Variants in NUDT14 observed in about 807,000 individuals in gnomAD.
The protein encoded by NUDT14 is uridine diphosphate glucose pyrophosphatase NUDT14.
NUDT14 carries 22 observed loss-of-function variants against 17.5 expected under a neutral mutation model. The ratio of observed to expected loss-of-function variants is 1.26; its 90% CI spans 0.90 to 1.80. The LOEUF is 1.80. Ranked by LOEUF, NUDT14 falls within the 40% of genes most tolerant of loss-of-function variation. The pLI is 0.00. For missense variants in NUDT14, 296 were observed against 295.6 expected, an observed-to-expected ratio of 1.00 and a Z score of -0.01; for synonymous variants, 129 against 125.8, an observed-to-expected ratio of 1.03 and a Z score of -0.17.
At chr14:105,179,529 C>T (rs892630512) in intron 1 of NUDT14, among the ~76,000 whole-genome samples, 1 of 152,270 alleles carries the variant, frequency 6.6e-6, no homozygotes, top group African/African-American at 2.4e-5. Flanking sequence ...GCAAGGGCTG[C>T]CCTGAGGCTT....
Position 105,176,976 on chromosome 14 carries a change from C to T in NUDT14, c.177G>A (p.Lys59=). The T allele has an allele frequency of 3.1e-6, 5 of 1,612,102 alleles. No individual in the cohort carries two copies. Among genetic ancestry groups the T allele is most frequent in the Non-Finnish European group, 4.2e-6 (5 of 1,179,758 alleles). Residue 59 remains lysine, a synonymous_variant, in exon 3 of 5, where the codon AAG becomes AAA. Coordinates refer to ENST00000392568, the MANE Select transcript of NUDT14 (RefSeq NM_177533.5). ...NSSRRSLVLV[K]QFRPAVYAGE... ...AGCTGGCCTCACCTGGCCGGAACTG[C>T]TTCACCAACACCAGGCTCCTCCGAG...
intron 2 of NUDT14, 90 bp downstream of exon 2, chr14:105,177,602 G>T: frequency 8.1e-7 from 1 of 1,239,456 alleles, no homozygotes; most frequent in Non-Finnish European, 1.2e-6. Flanking sequence ...GCAACGTCAG[G>T]GAGGAGAGGG....
chr14:105,177,884 G>T (rs1459560425), intron 1 of NUDT14, 149 bp from the exon 2 acceptor site: 1 of 658,680 alleles, frequency 1.5e-6, no homozygotes, highest in Admixed American at 2.8e-5. Context: ...TGCAGCTCCC[G>T]TGGGCAGAGG....
At chr14:105,177,167 G>C in intron 2 of NUDT14, 140 bp from the exon 3 acceptor site, 1 of 746,662 alleles carries the variant, frequency 1.3e-6, no homozygotes, top group Non-Finnish European at 2.3e-6. Context: ...TGCTCAGATA[G>C]GATGGCTGAG....
Position 105,173,275 on chromosome 14 carries a change from CAG to C in NUDT14, c.429-16_429-15del, listed in dbSNP as rs775865533. Reference sequence around the variant, plus strand: ...CCCACTCCAGACCTACGGGTTGAGACAGGGTCTGCTGAGTCACCCACGCTGGC... The same window carrying C: ...CCCACTCCAGACCTACGGGTTGAGACGGTCTGCTGAGTCACCCACGCTGGC... On this transcript the variant is annotated splice_polypyrimidine_tract_variant and intron_variant, in intron 4 of 4. Coordinates refer to ENST00000392568, the MANE Select transcript of NUDT14 (RefSeq NM_177533.5). This position sits in a 1 kb window ranked among gnomAD's most constrained non-coding sequence, Gnocchi z 4.7. 1 of 1,510,004 alleles carries C rather than the reference CAG, an allele frequency of 6.6e-7. No homozygotes were observed. Among genetic ancestry groups the C allele is most frequent in the African/African-American group, 1.4e-5 (1 of 71,302 alleles). The allele number at this position is 1,510,004 out of a possible 1,614,324, so 93.5% of individuals were successfully genotyped here. A position where few individuals can be genotyped will look rare whatever the true frequency, so the allele number is the denominator to read the frequency against.
chr14:105,177,301 G>C (rs1158588421), intron 2 of NUDT14: 3 of 608,658 alleles, frequency 4.9e-6, no homozygotes, highest in African/African-American at 1.8e-5. Context: ...AGTAGGTCAG[G>C]GTGCTCGCAG....
intron 4 of NUDT14, chr14:105,176,054 GC>G: frequency 8.6e-7 from 1 of 1,165,334 alleles, no homozygotes; most frequent in Non-Finnish European, 1.1e-6. Flanking sequence ...CCAGCTGGCA[GC>G]CCTCGCGGGG....
At chr14:105,177,632 G>T in intron 2 of NUDT14, 60 bp downstream of exon 2, 1 of 1,530,002 alleles carries the variant, frequency 6.5e-7, no homozygotes, top group Non-Finnish European at 9.0e-7. Flanking sequence ...CCTGGGCCCA[G>T]TGTCCCCGTA....
At chr14:105,174,787 C>T (rs1397485784) in intron 4 of NUDT14, among the ~76,000 whole-genome samples, 1 of 152,182 alleles carries the variant, frequency 6.6e-6, no homozygotes, top group African/African-American at 2.4e-5. Context: ...CCCCAGGGCA[C>T]GTTCCAACTT....
chr14:105,180,126 G>A (rs1889295253), intron 1 of NUDT14, among the ~76,000 whole-genome samples: 1 of 152,236 alleles, frequency 6.6e-6, no homozygotes, highest in African/African-American at 2.4e-5. Context: ...CTTGGAGGAA[G>A]ACGGCCCGGG....
chr14:105,174,053 GC>G (rs1262645910), intron 4 of NUDT14, among the ~76,000 whole-genome samples: 1 of 151,888 alleles, frequency 6.6e-6, no homozygotes, highest in African/African-American at 2.4e-5. Context: ...TGCACTGACC[GC>G]CCCCCCACCC....
At chr14:105,179,532 T>C (rs1307110488) in intron 1 of NUDT14, among the ~76,000 whole-genome samples, 1 of 152,210 alleles carries the variant, frequency 6.6e-6, no homozygotes, top group Non-Finnish European at 1.5e-5. Flanking sequence ...AGGGCTGCCC[T>C]GAGGCTTCAC....
intron 1 of NUDT14, among the ~76,000 whole-genome samples, chr14:105,179,724 C>T (rs1002999949): frequency 2.0e-5 from 3 of 152,226 alleles, no homozygotes; most frequent in African/African-American, 7.2e-5. Flanking sequence ...CGACTGATCC[C>T]AGCTGCCCCC....
rs919920658 is a variant in NUDT14, at chr14:105,173,415, C to G, written c.429-154G>C. On this transcript the variant is annotated intron_variant, in intron 4 of 4. Coordinates refer to ENST00000392568, the MANE Select transcript of NUDT14 (RefSeq NM_177533.5). The surrounding 1 kb of genome is among the most constrained non-coding windows in gnomAD (Gnocchi z 4.7). ...ATGCCCTCTCCCACCCGGATTCCCA[C>G]CTGGTGTGCACGCCCGTGGCCCCTC... The G allele has an allele frequency of 5.8e-6, 5 of 855,210 alleles. No homozygotes were observed. In the South Asian group the frequency reaches 9.6e-5, roughly 16 times the overall value. 53.0% of individuals were successfully genotyped at this position (855,210 alleles called of 1,614,324 possible). A position where few individuals can be genotyped will look rare whatever the true frequency, so the allele number is the denominator to read the frequency against.
Position 105,173,394 on chromosome 14 carries a change from C to T in NUDT14, c.429-133G>A. On this transcript the variant is annotated intron_variant, in intron 4 of 4. Transcript: ENST00000392568. The surrounding 1 kb of genome is among the most constrained non-coding windows in gnomAD (Gnocchi z 4.7). The stretch of plus-strand genomic sequence containing the variant: ...TCCAGTAGGCAGGACTCTGGGATGC[C>T]CTCTCCCACCCGGATTCCCACCTGG... The T allele has an allele frequency of 9.5e-7, 1 of 1,050,484 alleles. No homozygotes were observed. The highest frequency in any genetic ancestry group is 1.3e-6 in the Non-Finnish European group (1 of 796,634). 65.1% of individuals were successfully genotyped at this position (1,050,484 alleles called of 1,614,324 possible).
rs75829623 is a variant in NUDT14, at chr14:105,179,733, C to T, written c.81+1396G>A. The stretch of plus-strand genomic sequence containing the variant: ...GTACCCCGACTGATCCCAGCTGCCC[C>T]CTGCCAGCACCACCAGCTTAGCTTC... On this transcript the variant is annotated intron_variant, in intron 1 of 4. Transcript: ENST00000392568. Among the ~76,000 whole-genome samples the T allele has an allele frequency of 9.9e-3, 1,505 of 152,348 alleles. 59 individuals are homozygous for T. Among genetic ancestry groups the T allele is most frequent in the Admixed American group, 0.076 (1,164 of 15,306 alleles).
At chr14:105,175,818 T>C (rs1889200736) in intron 4 of NUDT14, 1 of 1,036,054 alleles carries the variant, frequency 9.7e-7, no homozygotes, top group South Asian at 2.8e-5. Flanking sequence ...GAGTGGCCCA[T>C]GTGCCAGGCT....
chr14:105,174,666 C>A (rs1022560979), intron 4 of NUDT14, among the ~76,000 whole-genome samples: 1 of 152,106 alleles, frequency 6.6e-6, no homozygotes, highest in Non-Finnish European at 1.5e-5. Context: ...AGGGAAGTGG[C>A]GGGTCTGGGG....
Position 105,173,147 on chromosome 14 carries a change from C to T in NUDT14, c.543G>A (p.Val181=), listed in dbSNP as rs749876349. The T allele has an allele frequency of 6.2e-7, 1 of 1,610,364 alleles. No individual in the cohort carries two copies. The highest frequency in any genetic ancestry group is 8.5e-7 in the Non-Finnish European group (1 of 1,178,974). The change falls in exon 5 of 5, where the codon GTG becomes GTA. Residue 181 remains valine, a synonymous_variant. Coordinates refer to ENST00000392568, the MANE Select transcript of NUDT14 (RefSeq NM_177533.5). This position sits in a 1 kb window ranked among gnomAD's most constrained non-coding sequence, Gnocchi z 4.7. ...GGGCGCCTTCCAGGGGCAGGTGCAC[C>T]ACCTCAATGAGCTCACCCTCCTCCA... ...GLVEEGELIE[V]VHLPLEGAQA...
Sources: gnomAD v4.1 joint callset for allele counts (sites outside exome capture counted in the v4.1 genomes callset) on GRCh38, gnomAD v4.1.1 for gene constraint, Gnocchi (gnomAD v3.1) non-coding constraint, MANE v1.5 for transcripts, NCBI Gene and HGNC (gene_info 2026-07-23, HGNC 2026-07-21) for gene names.